Variants in PHGDH observed in about 807,000 individuals in gnomAD.
PHGDH encodes the protein phosphoglycerate dehydrogenase, also known as D-3-phosphoglycerate dehydrogenase.
In PHGDH, 50 loss-of-function variants were observed where a neutral mutation model predicts 52.6. That is an observed-to-expected ratio of 0.95 (90% confidence interval 0.76 to 1.20). The LOEUF (loss-of-function observed/expected upper bound fraction) is 1.20, where lower values mean the gene tolerates loss of function less well. Among genes scored for constraint, PHGDH ranks in the 50% most tolerant of loss-of-function variants. The pLI, the probability that PHGDH is intolerant of heterozygous loss-of-function variation, is 0.00. For missense variants in PHGDH, 630 were observed against 684.6 expected (o/e 0.92, Z 0.89); for synonymous variants, 271 against 280.5 (o/e 0.97, Z 0.34).
chr1:119,736,720 TAAC>T (rs769579390), intron 7 of PHGDH, among the ~76,000 whole-genome samples: 6 of 152,176 alleles, frequency 3.9e-5, no homozygotes, highest in African/African-American at 4.8e-5. Context: ...AAAAGCCCAG[TAAC>T]AACAACAACA....
chr1:119,740,614 T>A, intron 9 of PHGDH, 96 bp downstream of exon 9: 1 of 1,066,836 alleles, frequency 9.4e-7, no homozygotes, highest in Non-Finnish European at 1.4e-6. Context: ...ACAGGGTTAG[T>A]GAGAGGCAGT....
chr1:119,732,129 C>T (rs889313926), intron 5 of PHGDH, among the ~76,000 whole-genome samples: 4 of 152,214 alleles, frequency 2.6e-5, no homozygotes, highest in Non-Finnish European at 2.9e-5. Flanking sequence ...AGAGAGAGCA[C>T]GTGACGGTGA....
At chr1:119,742,779 TA>T (rs764804279) in intron 10 of PHGDH, 27 bp from the exon 11 acceptor site, 1 of 1,411,724 alleles carries the variant, frequency 7.1e-7, no homozygotes, top group South Asian at 1.2e-5. Context: ...CCAGGAGGTG[TA>T]ACAGTCACCT....
At chr1:119,731,202 A>T (rs1651674965) in intron 5 of PHGDH, among the ~76,000 whole-genome samples, 1 of 152,212 alleles carries the variant, frequency 6.6e-6, no homozygotes, top group African/African-American at 2.4e-5. Flanking sequence ...CTTCCGGAGC[A>T]AGGGAGGTGA....
At chr1:119,717,619 T>C (rs1339568180) in intron 1 of PHGDH, among the ~76,000 whole-genome samples, 1 of 152,214 alleles carries the variant, frequency 6.6e-6, no homozygotes, top group African/African-American at 2.4e-5. Context: ...CATTATTTCT[T>C]GTTTAGTTCT....
At chr1:119,718,725 A>G (rs1651030883) in intron 1 of PHGDH, among the ~76,000 whole-genome samples, 1 of 152,332 alleles carries the variant, frequency 6.6e-6, no homozygotes, top group East Asian at 1.9e-4. Flanking sequence ...AATGCCTAGT[A>G]CCCAGCAGGT....
rs1224279673 is a variant in PHGDH, at chr1:119,740,519, G to T, written c.1078+1G>T. On this transcript the variant is annotated splice_donor_variant, in intron 9 of 11. Coordinates refer to ENST00000641023, the MANE Select transcript of PHGDH (RefSeq NM_006623.4). LOFTEE classifies it high-confidence loss of function. ...GGGACCATCCAGGTGATAACACAGG[G>T]TGAGCTGGGGACCTTGCAGAGGGAG... 6.4e-7 allele frequency: 1 copy of T among 1,566,368 alleles called. No individual in the cohort carries two copies. Among genetic ancestry groups the T allele is most frequent in the Admixed American group, 1.9e-5 (1 of 52,618 alleles).
chr1:119,712,832 T>G (rs960779609), intron 1 of PHGDH, among the ~76,000 whole-genome samples: 22 of 152,198 alleles, frequency 1.4e-4, no homozygotes, highest in African/African-American at 5.3e-4. Context: ...GCCGCCCCTC[T>G]GCCTCCTGGG....
chr1:119,723,363 C>A lies in PHGDH; in HGVS notation c.291-13C>A. 6.2e-7 allele frequency: 1 copy of A among 1,609,296 alleles called. No homozygotes were observed. The highest frequency in any genetic ancestry group is 8.5e-7 in the Non-Finnish European group (1 of 1,175,696). On this transcript the variant is annotated splice_polypyrimidine_tract_variant and intron_variant, in intron 2 of 11. Transcript: ENST00000641023. ...CTGTGCCCATTGATGTCCCCCTTTT[C>A]TTTGATCTTTAGCACCCCCAATGGG...
intron 10 of PHGDH, chr1:119,742,245 C>A (rs1440215561): frequency 1.0e-5 from 4 of 389,662 alleles, no homozygotes; most frequent in Non-Finnish European, 1.9e-5. Context: ...CTCCTCATGC[C>A]GTAGCACCCG....
At chr1:119,718,480 C>T (rs1218963906) in intron 1 of PHGDH, among the ~76,000 whole-genome samples, 1 of 152,214 alleles carries the variant, frequency 6.6e-6, no homozygotes, top group Non-Finnish European at 1.5e-5. Context: ...TGGCCATGGC[C>T]TTGGCTCTGG....
intron 1 of PHGDH, 105 bp downstream of exon 1, chr1:119,712,265 TA>T: frequency 3.4e-6 from 3 of 874,544 alleles, no homozygotes; most frequent in Non-Finnish European, 5.3e-6. Flanking sequence ...CCGTATCAAT[TA>T]GTTCCGGGGC....
rs931670580 is a variant in PHGDH at position 119,742,848 on chromosome 1, C to T, written c.1251C>T (p.Gly417=). 1.2e-6 allele frequency: 2 copies of T among 1,613,686 alleles called. No individual in the cohort carries two copies. The highest frequency in any genetic ancestry group is 4.5e-5 in the East Asian group (2 of 44,896). ...GCCCTGCTGCACCAGGGGAGCAAGG[C>T]TTCGGGGAATGCCTCCTGGCCGTGG... is the stretch of plus-strand genomic sequence containing the variant. ...SHSPAAPGEQ[G]FGECLLAVAL... The change falls in exon 11 of 12, where the codon GGC becomes GGT. Residue 417 remains glycine (G), a synonymous_variant. Coordinates refer to ENST00000641023, the MANE Select transcript of PHGDH (RefSeq NM_006623.4).
chr1:119,724,785 G>T, intron 3 of PHGDH: 1 of 456,492 alleles, frequency 2.2e-6, no homozygotes, highest in Non-Finnish European at 4.4e-6. Flanking sequence ...CCTTTTCCAG[G>T]ACCAGCTTTG....
intron 8 of PHGDH, chr1:119,739,907 G>A (rs989087799): frequency 8.3e-5 from 14 of 168,162 alleles, no homozygotes; most frequent in Non-Finnish European, 1.7e-4. Context: ...AAAACTTTGT[G>A]ATAATTGATC....
intron 1 of PHGDH, chr1:119,712,955 C>G (rs839615): frequency 0.75 from 114,860 of 152,242 alleles, 43,996 homozygotes; most frequent in African/African-American, 0.85. Context: ...AGAATCCGAT[C>G]CCAAACGCTC....
intron 1 of PHGDH, among the ~76,000 whole-genome samples, chr1:119,715,441 T>C (rs916410123): frequency 2.0e-5 from 3 of 152,176 alleles, no homozygotes; most frequent in South Asian, 2.1e-4. Context: ...TAAATAACCA[T>C]CAAATTAATC....
chr1:119,742,462 CTG>C (rs1652251700), intron 10 of PHGDH: 1 of 472,254 alleles, frequency 2.1e-6, no homozygotes, highest in Admixed American at 3.4e-5. Context: ...AGTCATGCCA[CTG>C]ATGCCGTGCA....
intron 1 of PHGDH, among the ~76,000 whole-genome samples, chr1:119,713,911 A>G (rs1381321208): frequency 1.3e-5 from 2 of 152,172 alleles, no homozygotes; most frequent in African/African-American, 2.4e-5. Context: ...GGCCTCATCC[A>G]TAATGAGGGG....
Sources: gnomAD v4.1 joint callset for allele counts (sites outside exome capture counted in the v4.1 genomes callset) on GRCh38, gnomAD v4.1.1 for gene constraint, MANE v1.5 for transcripts, NCBI Gene and HGNC (gene_info 2026-07-23, HGNC 2026-07-21) for gene names.